CHCHD3: variants seen among roughly 807,000 people sequenced by gnomAD.
CHCHD3 encodes coiled-coil-helix-coiled-coil-helix domain containing 3.
In CHCHD3, 20 loss-of-function variants were observed where a neutral mutation model predicts 38.2. That is an observed-to-expected ratio of 0.52 (90% CI 0.37 to 0.76). CHCHD3 has a LOEUF of 0.76. CHCHD3 is among the 30% of genes least tolerant of loss of function. The probability of loss-of-function intolerance (pLI) is 0.00; values close to 1 mark genes in which losing one functional copy is unlikely to be tolerated. For missense variants in CHCHD3, 245 were observed against 279.2 expected, an observed-to-expected ratio of 0.88 and a Z score of 0.87; for synonymous variants, 82 against 100.0, an observed-to-expected ratio of 0.82 and a Z score of 1.07.
chr7:132,918,685 C>T (rs1184705023), intron 4 of CHCHD3, among the ~76,000 whole-genome samples: 1 of 152,184 alleles, frequency 6.6e-6, no homozygotes, highest in Non-Finnish European at 1.5e-5. Flanking sequence ...TTCTAGATTT[C>T]CCCCTAATCC....
chr7:132,972,268 C>A (rs1363471357), intron 4 of CHCHD3, among the ~76,000 whole-genome samples: 1 of 152,058 alleles, frequency 6.6e-6, no homozygotes, highest in Non-Finnish European at 1.5e-5. Context: ...ACGTATTTAT[C>A]AGTATAAAAA....
chr7:132,789,157 A>T (rs1806396130), intron 7 of CHCHD3, among the ~76,000 whole-genome samples: 1 of 152,156 alleles, frequency 6.6e-6, no homozygotes, highest in Non-Finnish European at 1.5e-5. Context: ...GTTGGGCTGA[A>T]TTTCAACGCT....
chr7:132,888,013 T>G (rs1424835143), intron 4 of CHCHD3, among the ~76,000 whole-genome samples: 1 of 151,710 alleles, frequency 6.6e-6, no homozygotes. Flanking sequence ...TGTTTAGAAT[T>G]GCAGAGAAAT....
At chr7:132,881,371 A>G (rs1355561635) in intron 5 of CHCHD3, among the ~76,000 whole-genome samples, 1 of 152,166 alleles carries the variant, frequency 6.6e-6, no homozygotes. Context: ...AATGTACTTC[A>G]CATGTTCAGT....
intron 4 of CHCHD3, among the ~76,000 whole-genome samples, chr7:132,898,499 G>T (rs1470040113): frequency 1.3e-5 from 2 of 152,222 alleles, no homozygotes; most frequent in African/African-American, 4.8e-5. Flanking sequence ...TAGACACAAA[G>T]GTTCTCCACA....
chr7:132,901,479 C>T (rs1337680786), intron 4 of CHCHD3, among the ~76,000 whole-genome samples: 2 of 152,214 alleles, frequency 1.3e-5, no homozygotes, highest in Admixed American at 6.5e-5. Flanking sequence ...GCAAAGGCCA[C>T]AGGAGGGAGG....
At chr7:132,996,833 C>T (rs151048053) in intron 3 of CHCHD3, among the ~76,000 whole-genome samples, 4 of 152,208 alleles carry the variant, frequency 2.6e-5, no homozygotes, top group East Asian at 1.9e-4. Context: ...TGGGGTGGGA[C>T]GCAAAGCAAG....
At chr7:133,020,856 A>G (rs139949639) in intron 3 of CHCHD3, among the ~76,000 whole-genome samples, 91 of 151,654 alleles carry the variant, frequency 6.0e-4, no homozygotes, top group African/African-American at 2.1e-3. Flanking sequence ...ATTAAATCCA[A>G]TGTGGGCTGG....
At chr7:132,882,739 A>G (rs1166097804) in intron 5 of CHCHD3, among the ~76,000 whole-genome samples, 1 of 152,144 alleles carries the variant, frequency 6.6e-6, no homozygotes, top group Non-Finnish European at 1.5e-5. Context: ...CAAGTTTATA[A>G]GGTACCTAAC....
At chr7:132,927,153 C>A (rs563007045) in intron 4 of CHCHD3, among the ~76,000 whole-genome samples, 122 of 152,310 alleles carry the variant, frequency 8.0e-4, no homozygotes, top group Middle Eastern at 3.4e-3. Context: ...CTGTAACAAG[C>A]CCATACAATA....
Position 133,030,548 on chromosome 7 carries a change from T to A in CHCHD3, c.170-5921A>T, listed in dbSNP as rs1813473005. 2.0e-5 allele frequency among the ~76,000 whole-genome samples: 3 copies of A among 152,098 alleles called. No individual in the cohort carries two copies. In the South Asian group the frequency reaches 6.2e-4, roughly 32 times the overall value. On this transcript the variant is annotated intron_variant, in intron 2 of 7. Coordinates refer to ENST00000262570, the MANE Select transcript of CHCHD3 (RefSeq NM_017812.4). ...GAGAAAAGGAGTAAAAACAAAAAAA[T>A]GTTCAAGCAATATAAATCCCATTTG...
At chr7:132,963,419 C>T (rs1221864505) in intron 4 of CHCHD3, among the ~76,000 whole-genome samples, 6 of 133,366 alleles carry the variant, frequency 4.5e-5, no homozygotes, top group Non-Finnish European at 9.2e-5. Context: ...ATCACGAGGT[C>T]GGGAGATCGA....
At chr7:132,867,010 C>A (rs1399825014) in intron 5 of CHCHD3, among the ~76,000 whole-genome samples, 2 of 152,168 alleles carry the variant, frequency 1.3e-5, no homozygotes, top group Admixed American at 1.3e-4. Flanking sequence ...CACACCTACC[C>A]ACCATACACA....
Position 132,880,003 on chromosome 7 carries a change from G to A in CHCHD3, c.453+5659C>T, listed in dbSNP as rs576474798. On this transcript the variant is annotated intron_variant, in intron 5 of 7. Coordinates refer to ENST00000262570, the MANE Select transcript of CHCHD3 (RefSeq NM_017812.4). Reference sequence around the variant, plus strand: ...TTTTCCCAGGAAATGTCAAATTCTGGGAGAAAATTATGCATTTTTGAATGC... The same window carrying A: ...TTTTCCCAGGAAATGTCAAATTCTGAGAGAAAATTATGCATTTTTGAATGC... Among the ~76,000 whole-genome samples, 3 of 152,100 alleles carry A rather than the reference G, an allele frequency of 2.0e-5. No individual in the cohort carries two copies. In the South Asian group the frequency reaches 6.2e-4, roughly 32 times the overall value.
rs575574564 is a variant in CHCHD3 at position 132,823,509 on chromosome 7, C to T, written c.524+14890G>A. On this transcript the variant is annotated intron_variant, in intron 6 of 7. Transcript: ENST00000262570. ...GCAAAATTGCAGATAAGGGGGGCCA[C>T]CTGTATTATTTATCAATTTCATATC... Among the ~76,000 whole-genome samples, 9 of 152,196 alleles carry T rather than the reference C, an allele frequency of 5.9e-5. No homozygotes were observed. In the South Asian group the frequency reaches 1.9e-3, roughly 32 times the overall value.
chr7:133,014,420 T>C (rs1812968051), intron 3 of CHCHD3, among the ~76,000 whole-genome samples: 1 of 151,754 alleles, frequency 6.6e-6, no homozygotes, highest in South Asian at 2.1e-4. Flanking sequence ...AAATAGCATA[T>C]AACTAACAAT....
At chr7:132,909,560 C>T (rs1809889821) in intron 4 of CHCHD3, among the ~76,000 whole-genome samples, 1 of 152,122 alleles carries the variant, frequency 6.6e-6, no homozygotes, top group Non-Finnish European at 1.5e-5. Flanking sequence ...AGCATGAGAA[C>T]AGACTAATAC....
At chr7:133,034,454 T>C (rs1257469872) in intron 2 of CHCHD3, among the ~76,000 whole-genome samples, 1 of 150,082 alleles carries the variant, frequency 6.7e-6, no homozygotes, top group Non-Finnish European at 1.5e-5. Context: ...TATGATACTT[T>C]TAAAAAAATG....
chr7:132,992,055 T>C (rs1812297468), intron 3 of CHCHD3, among the ~76,000 whole-genome samples: 2 of 152,192 alleles, frequency 1.3e-5, no homozygotes, highest in African/African-American at 4.8e-5. Context: ...CTAAACACAT[T>C]TCTGCTTCAT....
Sources: allele counts gnomAD v4.1 joint callset (sites outside exome capture counted in the v4.1 genomes callset), GRCh38; gene constraint gnomAD v4.1.1; transcripts MANE v1.5; gene names NCBI Gene and HGNC (gene_info 2026-07-23, HGNC 2026-07-21).